The following NUP43 variants were observed in gnomAD, a reference collection of about 807,000 sequenced individuals.
NUP43 encodes nucleoporin 43.
In NUP43, 32 loss-of-function variants were observed where a neutral mutation model predicts 47.3. That is an observed-to-expected ratio of 0.68 (90% CI 0.51 to 0.91). The LOEUF (loss-of-function observed/expected upper bound fraction) is 0.91. NUP43 is among the 40% of genes least tolerant of loss of function. The pLI is 0.00. For missense variants in NUP43, 444 were observed against 453.9 expected, an observed-to-expected ratio of 0.98 and a Z score of 0.20; for synonymous variants, 147 against 158.4, an observed-to-expected ratio of 0.93 and a Z score of 0.54.
chr6:149,745,538 T>C (rs1785940598), intron 2 of NUP43, among the ~76,000 whole-genome samples: 1 of 152,194 alleles, frequency 6.6e-6, no homozygotes, highest in South Asian at 2.1e-4. Context: ...GGAGTTGTTA[T>C]GAGAATTCAA....
In NUP43 at chr6:149,726,749, C is replaced by T. The variant is rs1203811117; in HGVS notation, c.*220G>A. On this transcript the variant is annotated 3_prime_UTR_variant, in exon 8 of 8. Coordinates refer to ENST00000340413, the MANE Select transcript of NUP43 (RefSeq NM_198887.3). Reference sequence around the variant, plus strand: ...CACCAGAATCCCACTGATTTTCTTCCACATGTTCACAATCTTTTGCCATCA... The same window carrying T: ...CACCAGAATCCCACTGATTTTCTTCTACATGTTCACAATCTTTTGCCATCA... 1.8e-6 allele frequency: 1 copy of T among 545,792 alleles called. No homozygotes were observed. The highest frequency in any genetic ancestry group is 3.3e-6 in the Non-Finnish European group (1 of 304,372). The allele number at this position is 545,792 out of a possible 1,614,324, so 33.8% of individuals were successfully genotyped here. A position where few individuals can be genotyped will look rare whatever the true frequency, so the allele number is the denominator to read the frequency against.
At chr6:149,746,256 T>C (rs1209285951) in intron 1 of NUP43, 120 bp downstream of exon 1, 13 of 1,457,198 alleles carry the variant, frequency 8.9e-6, no homozygotes, top group African/African-American at 2.8e-5. Context: ...GAGACAGGGG[T>C]CCGGGGGACC....
chr6:149,737,423 C>G (rs1386015694), intron 5 of NUP43, among the ~76,000 whole-genome samples: 1 of 152,060 alleles, frequency 6.6e-6, no homozygotes, highest in Non-Finnish European at 1.5e-5. Flanking sequence ...ACTACAGGCA[C>G]ATGCTACCGT....
chr6:149,737,427 C>T (rs546957330), intron 5 of NUP43, among the ~76,000 whole-genome samples: 157 of 152,226 alleles, frequency 1.0e-3, no homozygotes, highest in African/African-American at 3.0e-3. Flanking sequence ...CAGGCACATG[C>T]TACCGTGCCA....
Position 149,724,672 on chromosome 6 carries a change from C to A in NUP43, c.*2297G>T, listed in dbSNP as rs553459376. On this transcript the variant is annotated 3_prime_UTR_variant, in exon 8 of 8. Transcript: ENST00000340413. ...GATCTTGGGTCACTGCAACCTCTGCCTCCCGGGTTTGAGCAATTCTCCTGC... is the reference window on the plus strand; with the variant it reads ...GATCTTGGGTCACTGCAACCTCTGCATCCCGGGTTTGAGCAATTCTCCTGC... 4 of 152,304 alleles carry A rather than the reference C, an allele frequency of 2.6e-5. No individual in the cohort carries two copies. The highest frequency in any genetic ancestry group is 2.0e-4 in the Admixed American group (3 of 15,294). 9.4% of individuals were successfully genotyped at this position (152,304 alleles called of 1,614,324 possible). A position where few individuals can be genotyped will look rare whatever the true frequency, so the allele number is the denominator to read the frequency against.
At chr6:149,746,320 T>G (rs1785998163) in intron 1 of NUP43, 56 bp downstream of exon 1, 1 of 1,596,720 alleles carries the variant, frequency 6.3e-7, no homozygotes. Context: ...AGGCCAGGGG[T>G]CAGCTCAACC....
chr6:149,727,888 A>G, intron 7 of NUP43: 1 of 985,338 alleles, frequency 1.0e-6, no homozygotes, highest in South Asian at 4.7e-5. Flanking sequence ...TTGCTGTCAT[A>G]TCAAATAAGT....
At chr6:149,742,293 T>C in intron 4 of NUP43, 97 bp downstream of exon 4, 1 of 1,133,318 alleles carries the variant, frequency 8.8e-7, no homozygotes, top group Non-Finnish European at 1.3e-6. Context: ...CCCAAAGTGC[T>C]GCAATTGCCG....
At chr6:149,746,543 G>C (rs746463841), upstream of NUP43, 40 of 1,613,740 alleles carry the variant, frequency 2.5e-5, no homozygotes, top group Middle Eastern at 6.6e-4. Context: ...CACAGTACGC[G>C]CCTCTCAGCA....
At chr6:149,736,923 C>T (rs1785394737) in intron 5 of NUP43, among the ~76,000 whole-genome samples, 1 of 151,938 alleles carries the variant, frequency 6.6e-6, no homozygotes, top group African/African-American at 2.4e-5. Context: ...TCCCAGGCTC[C>T]AGTGATCTAG....
Position 149,728,066 on chromosome 6 carries a change from A to C in NUP43, c.914-868T>G. The C allele has an allele frequency of 3.0e-6, 3 of 985,424 alleles. No individual in the cohort carries two copies. The South Asian group carries it at 1.4e-4, about 46-fold the overall frequency. The allele number at this position is 985,424 out of a possible 1,614,324, so 61.0% of individuals were successfully genotyped here. ...ACTTCCTTCTCTAAGAAAACTTTGA[A>C]GACAACCTCTACTTCATGTTTTTCT... On this transcript the variant is annotated intron_variant, in intron 7 of 7. Transcript: ENST00000340413.
At chr6:149,743,210 T>A (rs912879460) in intron 3 of NUP43, among the ~76,000 whole-genome samples, 3 of 150,622 alleles carry the variant, frequency 2.0e-5, no homozygotes, top group African/African-American at 7.4e-5. Context: ...TAAAATAAAA[T>A]AAATAAAATA....
In NUP43 at chr6:149,726,759, C is replaced by T; in HGVS notation, c.*210G>A. On this transcript the variant is annotated 3_prime_UTR_variant, in exon 8 of 8. Transcript: ENST00000340413. The stretch of plus-strand genomic sequence containing the variant: ...CCACTGATTTTCTTCCACATGTTCA[C>T]AATCTTTTGCCATCAGTCATCTATC... The T allele has an allele frequency of 1.8e-6, 1 of 561,534 alleles. No individual in the cohort carries two copies. Among genetic ancestry groups the T allele is most frequent in the South Asian group, 2.1e-5 (1 of 46,698 alleles). 34.8% of individuals were successfully genotyped at this position (561,534 alleles called of 1,614,324 possible).
intron 6 of NUP43, among the ~76,000 whole-genome samples, chr6:149,736,151 C>A (rs1785337770): frequency 6.6e-6 from 1 of 151,668 alleles, no homozygotes; most frequent in African/African-American, 2.4e-5. Flanking sequence ...GTGGTGCATG[C>A]CTGTAATCCC....
intron 7 of NUP43, among the ~76,000 whole-genome samples, chr6:149,730,051 C>G (rs1784955462): frequency 1.3e-5 from 2 of 150,192 alleles, no homozygotes; most frequent in African/African-American, 4.9e-5. Flanking sequence ...CTTTTGCTAT[C>G]CAGGCTGGAG....
In NUP43 at chr6:149,738,707, T is replaced by G. The variant is rs776139440; in HGVS notation, c.574A>C (p.Ile192Leu). ...AAATCCCATATTTTCAACTGTCCAA[T>G]TGAATTTACAGTAAGAATCTCAGGA... The part of the protein sequence containing the change: ...RTPEILTVNS[I>L]GQLKIWDFRQ... The change falls in exon 5 of 8, where the codon ATT becomes CTT. Residue 192 changes from isoleucine (I) to leucine (L), a missense_variant. Transcript: ENST00000340413. The G allele has an allele frequency of 6.3e-7, 1 of 1,597,022 alleles. No homozygotes were observed. Among genetic ancestry groups the G allele is most frequent in the African/African-American group, 1.3e-5 (1 of 74,512 alleles).
At chr6:149,739,659 T>C (rs1417764203) in intron 4 of NUP43, among the ~76,000 whole-genome samples, 4 of 151,906 alleles carry the variant, frequency 2.6e-5, no homozygotes, top group Admixed American at 2.0e-4. Flanking sequence ...TTACCCTGCA[T>C]TTCTGAGAGA....
rs1237214806 is a variant in NUP43 at position 149,725,106 on chromosome 6, A to T, written c.*1863T>A. The T allele has an allele frequency of 1.3e-5, 2 of 152,252 alleles. No individual in the cohort carries two copies. The highest frequency in any genetic ancestry group is 2.9e-5 in the Non-Finnish European group (2 of 68,044). The allele number at this position is 152,252 out of a possible 1,614,324, so 9.4% of individuals were successfully genotyped here. On this transcript the variant is annotated 3_prime_UTR_variant, in exon 8 of 8. Transcript: ENST00000340413. ...TACATTACATAAAGCTTAGTTTCTT[A>T]TTAAAATTGGCAAAACTTGTCAATT...
rs1375841427 is a variant in NUP43, at chr6:149,726,327, A to G, written c.*642T>C. ...AGACTGAGGCAGGAGAATTGCTTGA[A>G]CCTGGGAGGTGGAGGTTGCAGTGAG... On this transcript the variant is annotated 3_prime_UTR_variant, in exon 8 of 8. Transcript: ENST00000340413. 1 of 149,098 alleles carries G rather than the reference A, an allele frequency of 6.7e-6. No homozygotes were observed. The highest frequency in any genetic ancestry group is 2.5e-5 in the African/African-American group (1 of 40,168). 9.2% of individuals were successfully genotyped at this position (149,098 alleles called of 1,614,324 possible).
Sources: allele counts gnomAD v4.1 joint callset (sites outside exome capture counted in the v4.1 genomes callset), GRCh38; gene constraint gnomAD v4.1.1; transcripts MANE v1.5; gene names NCBI Gene and HGNC (gene_info 2026-07-23, HGNC 2026-07-21).